Variants in TEAD1 observed in about 807,000 individuals in gnomAD.
TEAD1 encodes transcriptional enhancer factor TEF-1.
TEAD1 carries 9 observed loss-of-function variants against 54.9 expected under a neutral mutation model. The ratio of observed to expected loss-of-function variants is 0.16; its 90% CI spans 0.10 to 0.29. The LOEUF is 0.29. Ranked by LOEUF, TEAD1 falls within the 10% of genes least tolerant of loss-of-function variation. The pLI is 1.00. For synonymous variants in TEAD1, 200 were observed against 187.8 expected, an observed-to-expected ratio of 1.07 and a Z score of -0.53; for missense variants, 387 against 535.9, an observed-to-expected ratio of 0.72 and a Z score of 2.74.
chr11:12,677,536 T>C lies in TEAD1; in HGVS notation c.-55+1975T>C, dbSNP rs1943123438. Among the ~76,000 whole-genome samples the C allele has an allele frequency of 3.9e-5, 6 of 152,216 alleles. No individual in the cohort carries two copies. In the South Asian group the frequency reaches 1.2e-3, roughly 32 times the overall value. On this transcript the variant is annotated intron_variant, in intron 2 of 12. Transcript: ENST00000527636. ...AAGGAAAAAAATGTTCGAGTTTTTT[T>C]CCCTGCTTGAGCTTCAGCAGTTTAT... is the stretch of plus-strand genomic sequence containing the variant.
At position 12,815,254 on chromosome 11, in the gene TEAD1, C is replaced by T. The variant is rs543912610; in HGVS notation, c.203-46996C>T. Among the ~76,000 whole-genome samples the T allele has an allele frequency of 3.9e-5, 6 of 152,180 alleles. No homozygotes were observed. The East Asian group carries it at 1.2e-3, about 29-fold the overall frequency. ...ACTCAGAAGCTTCCCTCCCTCCCATCCTCCCTTCCTTCCTTTTTCCCTTTC... is the reference window on the plus strand; with the variant it reads ...ACTCAGAAGCTTCCCTCCCTCCCATTCTCCCTTCCTTCCTTTTTCCCTTTC... On this transcript the variant is annotated intron_variant, in intron 3 of 12. Coordinates refer to ENST00000527636, the MANE Select transcript of TEAD1 (RefSeq NM_021961.6).
At chr11:12,710,391 G>A (rs1462097504) in intron 2 of TEAD1, among the ~76,000 whole-genome samples, 2 of 152,076 alleles carry the variant, frequency 1.3e-5, no homozygotes, top group African/African-American at 2.4e-5. Context: ...ATATCATTGG[G>A]CATCTACTGT....
At chr11:12,834,196 C>T (rs975869662) in intron 3 of TEAD1, among the ~76,000 whole-genome samples, 3 of 152,126 alleles carry the variant, frequency 2.0e-5, no homozygotes, top group Non-Finnish European at 2.9e-5. Context: ...ATGAATTAGT[C>T]AGTTGACGTT....
chr11:12,832,454 A>T (rs550282881), intron 3 of TEAD1, among the ~76,000 whole-genome samples: 1 of 152,230 alleles, frequency 6.6e-6, no homozygotes. Context: ...TAATCTATAC[A>T]TTCTTGGTAA....
chr11:12,764,054 A>C (rs1048518363), intron 2 of TEAD1, 125 bp from the exon 3 acceptor site: 1 of 675,092 alleles, frequency 1.5e-6, no homozygotes, highest in East Asian at 2.8e-5. Context: ...GTGTATCCCC[A>C]AAAAGACTGA....
intron 1 of TEAD1, among the ~76,000 whole-genome samples, 158 bp downstream of exon 1, chr11:12,674,992 C>A (rs1333238990): frequency 1.3e-5 from 2 of 148,242 alleles, no homozygotes; most frequent in African/African-American, 4.9e-5. Flanking sequence ...GCCCCCACAC[C>A]CGCCTCCCCG....
intron 2 of TEAD1, among the ~76,000 whole-genome samples, chr11:12,695,821 C>G (rs1943568724): frequency 6.6e-6 from 1 of 152,144 alleles, no homozygotes; most frequent in African/African-American, 2.4e-5. Flanking sequence ...GGCTTGAGTT[C>G]TGTTTGTGTG....
chr11:12,899,667 G>C (rs1267491307), intron 9 of TEAD1, among the ~76,000 whole-genome samples: 3 of 152,134 alleles, frequency 2.0e-5, no homozygotes, highest in Non-Finnish European at 2.9e-5. Flanking sequence ...AGACCCTGTT[G>C]TTTTATAGTA....
chr11:12,897,211 C>T (rs375002585), intron 9 of TEAD1, among the ~76,000 whole-genome samples: 69 of 152,100 alleles, frequency 4.5e-4, no homozygotes, highest in African/African-American at 1.6e-3. Context: ...TTTTATGTGC[C>T]ACCTTCACTT....
At chr11:12,880,826 A>C (rs1421322729) in intron 6 of TEAD1, among the ~76,000 whole-genome samples, 179 bp from the exon 7 acceptor site, 5 of 152,216 alleles carry the variant, frequency 3.3e-5, no homozygotes, top group Non-Finnish European at 5.9e-5. Flanking sequence ...CTGGGTTGCC[A>C]GTCCAAGGAT....
intron 2 of TEAD1, among the ~76,000 whole-genome samples, chr11:12,697,044 G>C (rs1198386478): frequency 1.3e-5 from 2 of 152,180 alleles, no homozygotes; most frequent in Non-Finnish European, 2.9e-5. Flanking sequence ...AAGCATGGCA[G>C]GTGAGGAATT....
At chr11:12,837,193 G>T (rs1045153728) in intron 3 of TEAD1, among the ~76,000 whole-genome samples, 1 of 152,132 alleles carries the variant, frequency 6.6e-6, no homozygotes, top group African/African-American at 2.4e-5. Context: ...GGTATAATTG[G>T]TTACCCTCTT....
intron 12 of TEAD1, among the ~76,000 whole-genome samples, chr11:12,935,750 G>T (rs1036984692): frequency 6.6e-6 from 1 of 152,132 alleles, no homozygotes; most frequent in Non-Finnish European, 1.5e-5. Context: ...GAGCCACCAC[G>T]CCCGGCCCAG....
intron 1 of TEAD1, 146 bp downstream of exon 1, chr11:12,674,980 G>GGGCCCCCACACCCGCCTCCCCGCGCCCC (rs1277941921): frequency 6.9e-6 from 1 of 145,240 alleles, no homozygotes; most frequent in Non-Finnish European, 1.5e-5. Context: ...GGCCGCGGCC[G>GGGCCCCCACACCCGCCTCCCCGCGCCCC]GGCCCCCACA....
chr11:12,882,944 C>T (rs1948001281), intron 8 of TEAD1, 57 bp from the exon 9 acceptor site: 1 of 1,613,854 alleles, frequency 6.2e-7, no homozygotes, highest in Admixed American at 1.7e-5. Flanking sequence ...CCAGTATTTG[C>T]CTGAGGCCCA....
At chr11:12,845,834 C>G (rs1463354871) in intron 3 of TEAD1, among the ~76,000 whole-genome samples, 1 of 152,218 alleles carries the variant, frequency 6.6e-6, no homozygotes, top group Non-Finnish European at 1.5e-5. Flanking sequence ...TTGGTCGCCT[C>G]TCTGGGTGTC....
intron 2 of TEAD1, among the ~76,000 whole-genome samples, chr11:12,734,101 A>AG (rs1403012417): frequency 2.0e-5 from 3 of 152,154 alleles, no homozygotes; most frequent in Non-Finnish European, 4.4e-5. Flanking sequence ...TTTTTTGTGG[A>AG]GGTAGGATCT....
intron 10 of TEAD1, among the ~76,000 whole-genome samples, chr11:12,908,123 A>G (rs754936077): frequency 3.9e-5 from 6 of 152,104 alleles, no homozygotes; most frequent in Non-Finnish European, 8.8e-5. Flanking sequence ...GCCAATTCTT[A>G]GAGTAGGAAC....
At chr11:12,809,612 C>T (rs1157954402) in intron 3 of TEAD1, among the ~76,000 whole-genome samples, 1 of 152,188 alleles carries the variant, frequency 6.6e-6, no homozygotes, top group Non-Finnish European at 1.5e-5. Context: ...TGGGGCCCAG[C>T]CTTTCTTTAC....
Sources: gnomAD v4.1 joint callset for allele counts (sites outside exome capture counted in the v4.1 genomes callset) on GRCh38, gnomAD v4.1.1 for gene constraint, MANE v1.5 for transcripts, NCBI Gene and HGNC (gene_info 2026-07-23, HGNC 2026-07-21) for gene names.